The following ZNF81 variants were observed in gnomAD, a reference collection of about 807,000 sequenced individuals.
ZNF81 encodes zinc finger protein 81 (HFZ20).
Under a neutral mutation model 32.3 loss-of-function variants are expected in ZNF81, and 5 were observed. The observed-to-expected ratio is 0.15, with a 90% CI of 0.08 to 0.33. The LOEUF is 0.33. ZNF81 is among the 10% of genes least tolerant of loss of function. The probability of loss-of-function intolerance (pLI) is 1.00; values close to 1 mark genes in which losing one functional copy is unlikely to be tolerated. For missense variants in ZNF81, 379 were observed against 479.8 expected (o/e 0.79, Z 1.96); for synonymous variants, 163 against 166.8 (o/e 0.98, Z 0.17).
chrX:47,877,198 A>G (rs4066010), intron 2 of ZNF81, among the ~76,000 whole-genome samples: 50,442 of 109,560 alleles, frequency 0.46, 8,808 homozygotes, highest in East Asian at 0.76. Flanking sequence ...ATTTGGGTGC[A>G]CCCCCCCGCA....
At chrX:47,891,790 G>A (rs5906506) in intron 3 of ZNF81, among the ~76,000 whole-genome samples, 3,003 of 112,096 alleles carry the variant, frequency 0.027, 43 homozygotes, top group Non-Finnish European at 0.04. Context: ...CCAGTGTCCA[G>A]TAATTCCCAA....
intron 2 of ZNF81, among the ~76,000 whole-genome samples, chrX:47,848,124 C>T (rs1375761734): frequency 9.0e-6 from 1 of 110,643 alleles, no homozygotes; most frequent in Non-Finnish European, 1.9e-5. Context: ...ACCGTGTTAG[C>T]CAGGATGGTC....
chrX:47,857,792 G>A (rs1444115836), intron 2 of ZNF81, among the ~76,000 whole-genome samples: 1 of 111,682 alleles, frequency 9.0e-6, no homozygotes, highest in Admixed American at 9.5e-5. Context: ...GACAAAACCT[G>A]TGACTTGCAA....
At chrX:47,893,125 C>G (rs1040529889) in intron 3 of ZNF81, among the ~76,000 whole-genome samples, 57 of 111,024 alleles carry the variant, frequency 5.1e-4, no homozygotes, top group African/African-American at 1.7e-3. Flanking sequence ...TCTTGAGAGC[C>G]CCTGATGGGA....
chrX:47,853,664 G>A (rs782008837), intron 2 of ZNF81, among the ~76,000 whole-genome samples: 6 of 111,215 alleles, frequency 5.4e-5, no homozygotes, highest in African/African-American at 2.0e-4. Context: ...TCCTACCTCA[G>A]CCTCCTGAGT....
intron 2 of ZNF81, among the ~76,000 whole-genome samples, chrX:47,884,786 T>G (rs2058635197): frequency 9.0e-6 from 1 of 111,483 alleles, no homozygotes; most frequent in African/African-American, 3.3e-5. Context: ...CCCAGTGAGA[T>G]TCACAGAAAA....
intron 2 of ZNF81, among the ~76,000 whole-genome samples, chrX:47,875,967 C>G (rs1417218732): frequency 8.9e-6 from 1 of 111,786 alleles, no homozygotes; most frequent in Non-Finnish European, 1.9e-5. Context: ...TATAGTTCAT[C>G]CTGTTTACTT....
chrX:47,841,100 T>A, intron 1 of ZNF81: 2 of 864,368 alleles, frequency 2.3e-6, no homozygotes, highest in East Asian at 6.2e-5. Flanking sequence ...AACCATGAGA[T>A]CTCCTCGAAA....
At chrX:47,843,165 C>CT (rs1228003889) in intron 1 of ZNF81, among the ~76,000 whole-genome samples, 1 of 111,033 alleles carries the variant, frequency 9.0e-6, no homozygotes, top group Non-Finnish European at 1.9e-5. Flanking sequence ...ATCTGTACTT[C>CT]TTTTTTATTA....
At chrX:47,867,857 A>G (rs1603184198) in intron 2 of ZNF81, among the ~76,000 whole-genome samples, 1 of 111,780 alleles carries the variant, frequency 8.9e-6, no homozygotes, top group African/African-American at 3.3e-5. Context: ...CTGATATTCT[A>G]ATTTTTAATT....
chrX:47,861,414 G>A (rs1425660392), intron 2 of ZNF81, among the ~76,000 whole-genome samples: 1 of 111,930 alleles, frequency 8.9e-6, no homozygotes. Flanking sequence ...AAATGTGAGA[G>A]CCCCGTAGAG....
At chrX:47,871,895 C>T (rs782033270) in intron 2 of ZNF81, among the ~76,000 whole-genome samples, 7 of 112,060 alleles carry the variant, frequency 6.2e-5, no homozygotes, top group Non-Finnish European at 1.3e-4. Flanking sequence ...TATAGCCTAA[C>T]CCCGCCTTGT....
At chrX:47,875,724 A>G (rs2058597326) in intron 2 of ZNF81, among the ~76,000 whole-genome samples, 1 of 112,439 alleles carries the variant, frequency 8.9e-6, no homozygotes, top group Non-Finnish European at 1.9e-5. Context: ...GCAACACAGG[A>G]AATCCTGACT....
rs910340145 is a variant in ZNF81 at position 47,896,036 on chromosome X, G to A, written c.277+96G>A. The A allele has an allele frequency of 3.5e-5, 23 of 658,628 alleles. No individual in the cohort carries two copies. In the Admixed American group the frequency reaches 6.1e-4, roughly 18 times the overall value. The allele number at this position is 658,628 out of a possible 1,213,427, so 54.3% of individuals were successfully genotyped here. ...TTTAAAATGCTGTTATTGCTTAAAG[G>A]TTGGAAACTTTATAAATTGCTTGAG... On this transcript the variant is annotated intron_variant, in intron 4 of 4. Transcript: ENST00000338637.
chrX:47,908,906 G>A (rs1887617601), intron 4 of ZNF81, among the ~76,000 whole-genome samples: 2 of 111,832 alleles, frequency 1.8e-5, no homozygotes, highest in African/African-American at 3.2e-5. Context: ...ACCGCTGAGA[G>A]TCAATTATTG....
At chrX:47,873,756 T>C (rs141944933) in intron 2 of ZNF81, among the ~76,000 whole-genome samples, 1,603 of 111,575 alleles carry the variant, frequency 0.014, 33 homozygotes, top group African/African-American at 0.05. Context: ...AACCTCCGCC[T>C]CCTGGGTATA....
At chrX:47,881,716 T>C (rs1256074266) in intron 2 of ZNF81, among the ~76,000 whole-genome samples, 1 of 112,084 alleles carries the variant, frequency 8.9e-6, no homozygotes. Context: ...CCCAGTAGAA[T>C]TGACTGTTTT....
At chrX:47,841,589 T>C in intron 1 of ZNF81, 1 of 1,042,552 alleles carries the variant, frequency 9.6e-7, no homozygotes, top group Non-Finnish European at 1.3e-6. Flanking sequence ...CTGCTCCTTC[T>C]TTGCCAAAAG....
intron 2 of ZNF81, among the ~76,000 whole-genome samples, chrX:47,868,389 A>G (rs1240059133): frequency 2.2e-4 from 24 of 111,142 alleles, no homozygotes; most frequent in Admixed American, 2.1e-3. Flanking sequence ...ATGCCTATCT[A>G]TTTCCTTAAA....
Sources: gnomAD v4.1 joint callset for allele counts (sites outside exome capture counted in the v4.1 genomes callset) on GRCh38, gnomAD v4.1.1 for gene constraint, MANE v1.5 for transcripts, NCBI Gene and HGNC (gene_info 2026-07-23, HGNC 2026-07-21) for gene names.